Variants in WNK2 observed in about 807,000 individuals in gnomAD.
WNK2 encodes serine/threonine-protein kinase WNK2.
A neutral mutation model predicts 192.1 loss-of-function variants in WNK2; 67 were observed. The observed-to-expected ratio is 0.35, with a 90% CI of 0.29 to 0.43. The LOEUF (loss-of-function observed/expected upper bound fraction) is 0.43. Among genes scored for constraint, WNK2 ranks in the 20% least tolerant of loss-of-function variants. WNK2 has a pLI of 1.00. For missense variants in WNK2, 2,698 were observed against 3,089.7 expected (o/e 0.87, Z 3.01); for synonymous variants, 1,439 against 1,393.9 (o/e 1.03, Z -0.72).
intron 29 of WNK2, chr9:93,319,281 C>T: frequency 1.3e-6 from 2 of 1,492,236 alleles, no homozygotes; most frequent in Non-Finnish European, 1.8e-6. Context: ...CTAGGGAGCA[C>T]AGGAGTTGGG....
In WNK2 at chr9:93,211,446, A is replaced by G. The variant is rs553892876; in HGVS notation, c.682-18250A>G. Reference sequence around the variant, plus strand: ...CATTCACTCACCCACCCACTCATCCACTCACCCACCCACTCATTCACTCCC... The same window carrying G: ...CATTCACTCACCCACCCACTCATCCGCTCACCCACCCACTCATTCACTCCC... On this transcript the variant is annotated intron_variant, in intron 2 of 29. Transcript: ENST00000427277. Among the ~76,000 whole-genome samples the G allele has an allele frequency of 1.0e-3, 137 of 135,550 alleles. 1 individual carries two copies. The highest frequency in any genetic ancestry group is 1.9e-4 in the Non-Finnish European group (12 of 63,582). 88.9% of individuals were successfully genotyped at this position (135,550 alleles called of 152,430 possible).
chr9:93,202,210 A>G (rs141587950), intron 2 of WNK2, among the ~76,000 whole-genome samples: 1 of 152,262 alleles, frequency 6.6e-6, no homozygotes, highest in East Asian at 1.9e-4. Flanking sequence ...GCCGCTCAGC[A>G]CAGTGCAGGC....
intron 11 of WNK2, 80 bp from the exon 12 acceptor site, chr9:93,258,851 G>A: frequency 7.7e-7 from 1 of 1,291,914 alleles, no homozygotes; most frequent in Non-Finnish European, 1.1e-6. Context: ...CCCAATGACT[G>A]TGGCTGTCCT....
intron 29 of WNK2, chr9:93,318,146 A>C (rs1855076040): frequency 9.2e-6 from 14 of 1,515,008 alleles, no homozygotes; most frequent in Non-Finnish European, 1.2e-5. Context: ...CCGTTCCCTG[A>C]TGAAAAGATA....
At chr9:93,238,767 TG>T (rs1332241201) in intron 6 of WNK2, among the ~76,000 whole-genome samples, 1 of 152,186 alleles carries the variant, frequency 6.6e-6, no homozygotes, top group African/African-American at 2.4e-5. Flanking sequence ...GTGTATTTCA[TG>T]GACTGGGTTG....
At chr9:93,251,439 A>T (rs1390496420) in intron 8 of WNK2, among the ~76,000 whole-genome samples, 1 of 152,090 alleles carries the variant, frequency 6.6e-6, no homozygotes, top group Non-Finnish European at 1.5e-5. Context: ...AAATATGTAA[A>T]ATGTGGGCCG....
At chr9:93,268,534 C>A in intron 18 of WNK2, 93 bp from the exon 19 acceptor site, 1 of 1,537,300 alleles carries the variant, frequency 6.5e-7, no homozygotes, top group Non-Finnish European at 8.8e-7. Context: ...GTTCACAGAC[C>A]CACTGTGGCA....
chr9:93,297,367 G>A (rs1383252119), intron 23 of WNK2, among the ~76,000 whole-genome samples: 3 of 152,172 alleles, frequency 2.0e-5, no homozygotes, highest in South Asian at 2.1e-4. Flanking sequence ...CATGGCCCCT[G>A]GAAGTCAGTG....
In WNK2 at chr9:93,318,675, C is replaced by G. The variant is rs1855149142; in HGVS notation, c.6628+1044C>G. The G allele has an allele frequency of 8.0e-6, 12 of 1,495,972 alleles. No homozygotes were observed. In the Admixed American group the frequency reaches 2.6e-4, roughly 32 times the overall value. 92.7% of individuals were successfully genotyped at this position (1,495,972 alleles called of 1,614,324 possible). A position where few individuals can be genotyped will look rare whatever the true frequency, so the allele number is the denominator to read the frequency against. On this transcript the variant is annotated intron_variant, in intron 29 of 29. Coordinates refer to ENST00000427277, the MANE Select transcript of WNK2 (RefSeq NM_006648.4). ...TCTCCTGCCCACTTCCCTCCCTTCT[C>G]CATGATTTCCATGGAGACCTGTGGC...
At chr9:93,200,138 G>A (rs1191641963) in intron 2 of WNK2, among the ~76,000 whole-genome samples, 1 of 152,158 alleles carries the variant, frequency 6.6e-6, no homozygotes, top group Non-Finnish European at 1.5e-5. Flanking sequence ...AGGAGTTAAG[G>A]TGCTGAGGGG....
Position 93,289,977 on chromosome 9 carries a change from G to A in WNK2, c.4867-1G>A, listed in dbSNP as rs1416202816. On this transcript the variant is annotated splice_acceptor_variant, in intron 20 of 29. Transcript: ENST00000427277. LOFTEE classifies it high-confidence loss of function. The stretch of plus-strand genomic sequence containing the variant: ...TTCTCTTTTTGTGTTTCTTTCTCCA[G>A]GTGGAGAAGTCAGAACTGGCCCCCA... 1 of 1,567,524 alleles carries A rather than the reference G, an allele frequency of 6.4e-7. No individual in the cohort carries two copies. Among genetic ancestry groups the A allele is most frequent in the East Asian group, 2.4e-5 (1 of 42,540 alleles).
At chr9:93,316,025 A>C (rs1347365872) in intron 28 of WNK2, 1 of 152,132 alleles carries the variant, frequency 6.6e-6, no homozygotes. Context: ...CTCTCTGCAT[A>C]TCTGATCGTT....
intron 23 of WNK2, among the ~76,000 whole-genome samples, chr9:93,294,716 G>A (rs1849962036): frequency 6.6e-6 from 1 of 152,118 alleles, no homozygotes; most frequent in Non-Finnish European, 1.5e-5. Flanking sequence ...AGAGGGTAGA[G>A]ATAATGGGGT....
intron 2 of WNK2, among the ~76,000 whole-genome samples, chr9:93,201,089 C>G (rs1033898548): frequency 6.6e-6 from 1 of 152,168 alleles, no homozygotes; most frequent in Admixed American, 6.5e-5. Flanking sequence ...CCTAGGCGTC[C>G]CCTCCCAGCA....
chr9:93,262,556 C>T (rs994361042), intron 13 of WNK2, 114 bp from the exon 14 acceptor site: 14 of 1,154,332 alleles, frequency 1.2e-5, no homozygotes, highest in Admixed American at 1.9e-5. Flanking sequence ...GAGAACGCAG[C>T]GGGGCAGGCT....
At chr9:93,203,822 G>A (rs1832903760) in intron 2 of WNK2, among the ~76,000 whole-genome samples, 1 of 152,144 alleles carries the variant, frequency 6.6e-6, no homozygotes, top group African/African-American at 2.4e-5. Context: ...CCCTGTGTGT[G>A]GTGATTGAAG....
chr9:93,258,642 G>C (rs1843692055), intron 11 of WNK2, among the ~76,000 whole-genome samples: 1 of 152,150 alleles, frequency 6.6e-6, no homozygotes, highest in Admixed American at 6.5e-5. Flanking sequence ...TGGACACAGG[G>C]AGGCCTCCCT....
At chr9:93,266,790 C>T (rs564663757) in intron 16 of WNK2, among the ~76,000 whole-genome samples, 104 of 152,220 alleles carry the variant, frequency 6.8e-4, no homozygotes, top group African/African-American at 2.3e-3. Context: ...TATAGTAGGG[C>T]AGATGTGCCC....
At chr9:93,300,294 A>C (rs1588557087) in intron 26 of WNK2, 145 bp downstream of exon 26, 1 of 641,248 alleles carries the variant, frequency 1.6e-6, no homozygotes, top group Non-Finnish European at 2.6e-6. Flanking sequence ...TCAAAGTGGA[A>C]CCCCATGAGC....
Sources: allele counts gnomAD v4.1 joint callset (sites outside exome capture counted in the v4.1 genomes callset), GRCh38; gene constraint gnomAD v4.1.1; transcripts MANE v1.5; gene names NCBI Gene and HGNC (gene_info 2026-07-23, HGNC 2026-07-21).